CFAP92: variants seen among roughly 807,000 people sequenced by gnomAD.
CFAP92 encodes cilia and flagella associated protein 92 (putative).
CFAP92 carries 86 observed loss-of-function variants against 106.3 expected under a neutral mutation model. The observed-to-expected ratio is 0.81, with a 90% confidence interval of 0.68 to 0.97. The LOEUF (loss-of-function observed/expected upper bound fraction) is 0.97. CFAP92 is among the 50% of genes least tolerant of loss of function. CFAP92 has a pLI of 0.00. For missense variants in CFAP92, 1,204 were observed against 1,283.8 expected, an observed-to-expected ratio of 0.94 and a Z score of 0.95; for synonymous variants, 477 against 506.4, an observed-to-expected ratio of 0.94 and a Z score of 0.78.
rs1940133091 is a variant in CFAP92, at chr3:128,945,568, G to A, written c.1761C>T (p.His587=). The change falls in exon 10 of 16, where the codon CAC becomes CAT. Residue 587 remains histidine (H), a synonymous_variant. Coordinates refer to ENST00000645291, the MANE Select transcript of CFAP92 (RefSeq NM_001394090.1). The part of the protein sequence containing the change: ...HKYLNLAVPI[H]SCEVQPTHCG... ...AGTGTGTGGGCTGAACCTCACAGCT[G>A]TGGATGGGGACGGCCAGATTCAAGT... The A allele has an allele frequency of 1.3e-6, 2 of 1,536,066 alleles. No individual in the cohort carries two copies. Among genetic ancestry groups the A allele is most frequent in the Non-Finnish European group, 8.7e-7 (1 of 1,146,928 alleles).
rs16852190 is a variant in CFAP92, at chr3:128,910,489, G to A, written c.3281-156C>T. Among the ~76,000 whole-genome samples, 21,789 of 152,186 alleles carry A rather than the reference G, an allele frequency of 0.14. 1,628 individuals are homozygous for A. Among genetic ancestry groups the A allele is most frequent in the Middle Eastern group, 0.16 (48 of 294 alleles). ...CCAGGATCTCTGCCTGCACTTTCCAGAGCACCTGCAGATACCAGGATTGTG... is the reference window on the plus strand; with the variant it reads ...CCAGGATCTCTGCCTGCACTTTCCAAAGCACCTGCAGATACCAGGATTGTG... On this transcript the variant is annotated intron_variant, in intron 15 of 15. Transcript: ENST00000645291.
At chr3:128,914,792 G>C in intron 15 of CFAP92, 1 of 279,260 alleles carries the variant, frequency 3.6e-6, no homozygotes, top group Non-Finnish European at 6.9e-6. Context: ...CTAGAGATCA[G>C]TCATGGGTAA....
At chr3:128,951,658 C>T (rs1279104944) in intron 9 of CFAP92, among the ~76,000 whole-genome samples, 1 of 152,074 alleles carries the variant, frequency 6.6e-6, no homozygotes, top group African/African-American at 2.4e-5. Context: ...GAAAGGACCC[C>T]AAGAAAAGTC....
chr3:129,008,792 G>A, the CFAP92 span, among the ~76,000 whole-genome samples: 18 of 152,130 alleles, frequency 1.2e-4, no homozygotes, highest in African/African-American at 3.9e-4. Context: ...GGTACTCCCT[G>A]GCCCAGCCCC....
intron 15 of CFAP92, among the ~76,000 whole-genome samples, chr3:128,913,493 C>CGTACACCAGGTCCCAGT (rs1366503895): frequency 2.6e-5 from 4 of 152,156 alleles, no homozygotes; most frequent in African/African-American, 9.7e-5. Flanking sequence ...CAGGTCCCAG[C>CGTACACCAGGTCCCAGT]GTGCTCACTG....
intron 12 of CFAP92, among the ~76,000 whole-genome samples, chr3:128,926,970 T>TTTC (rs1349002315): frequency 3.4e-4 from 51 of 152,124 alleles, no homozygotes; most frequent in African/African-American, 1.2e-3. Context: ...GGCGCATGCT[T>TTTC]GTAGTCCCAG....
At chr3:128,956,891 A>T (rs1941468729) in intron 9 of CFAP92, among the ~76,000 whole-genome samples, 1 of 150,568 alleles carries the variant, frequency 6.6e-6, no homozygotes. Context: ...GAGGCAGGAG[A>T]ATCACTTGAA....
At chr3:128,927,244 G>A (rs527608715) in intron 12 of CFAP92, among the ~76,000 whole-genome samples, 37 of 152,042 alleles carry the variant, frequency 2.4e-4, no homozygotes, top group African/African-American at 8.2e-4. Context: ...AATTTTGGAC[G>A]TTCCAGCCTC....
intron 1 of CFAP92, chr3:129,002,121 G>T: frequency 6.8e-7 from 1 of 1,475,944 alleles, no homozygotes; most frequent in Non-Finnish European, 8.9e-7. Flanking sequence ...GCCCCGCGGC[G>T]CTCTCAGCGA....
rs557558783 is a variant in CFAP92, at chr3:128,934,671, C to G, written c.2453+454G>C. Among the ~76,000 whole-genome samples the G allele has an allele frequency of 9.2e-5, 14 of 152,236 alleles. No homozygotes were observed. The East Asian group carries it at 2.7e-3, about 29-fold the overall frequency. ...TCAGTCTCCCAAGTAGATGGGATTA[C>G]AGGCGTGCACCACTACACCTGGCTA... On this transcript the variant is annotated intron_variant, in intron 11 of 15. Transcript: ENST00000645291.
At chr3:129,017,467 G>A in the CFAP92 span, among the ~76,000 whole-genome samples, 4 of 152,230 alleles carry the variant, frequency 2.6e-5, no homozygotes, top group Non-Finnish European at 2.9e-5. Context: ...CCGAAAGCAA[G>A]GCACCCTTGG....
rs1473349918 is a variant in CFAP92, at chr3:128,910,058, C to T, written c.*241G>A. On this transcript the variant is annotated 3_prime_UTR_variant, in exon 16 of 16. Transcript: ENST00000645291. ...GAGCAGCTGGTACTGAAGCGGGTGGCCAACATCCTCATCAACCTGTATGGC... is the reference window on the plus strand; with the variant it reads ...GAGCAGCTGGTACTGAAGCGGGTGGTCAACATCCTCATCAACCTGTATGGC... 2.5e-6 allele frequency: 4 copies of T among 1,613,938 alleles called. No homozygotes were observed. In the Admixed American group the frequency reaches 6.7e-5, roughly 27 times the overall value.
At chr3:128,924,804 T>C (rs1937548370) in intron 12 of CFAP92, among the ~76,000 whole-genome samples, 1 of 152,306 alleles carries the variant, frequency 6.6e-6, no homozygotes, top group East Asian at 1.9e-4. Context: ...CAGAACATGT[T>C]CCACATGCTT....
At position 128,987,819 on chromosome 3, in the gene CFAP92, G is replaced by A. The variant is rs765147676; in HGVS notation, c.464C>T (p.Pro155Leu). 1.6e-5 allele frequency: 25 copies of A among 1,607,052 alleles called. No individual in the cohort carries two copies. The highest frequency in any genetic ancestry group is 1.2e-4 in the Admixed American group (7 of 58,816). Residue 155 changes from proline to leucine, a missense_variant, in exon 4 of 16, where the codon CCG (proline) becomes CTG (leucine). By Grantham distance (98) the Pro-to-Leu change is moderately conservative. Coordinates refer to ENST00000645291, the MANE Select transcript of CFAP92 (RefSeq NM_001394090.1). ...CCAGGCTTTGTCACCTTCGTGCCAC[G>A]GCTTCACAGTCTGTGTAAAACAACA... ...FLESGVKTVKPWHEGDKAWVS... is the reference protein window; with the variant it reads ...FLESGVKTVKLWHEGDKAWVS...
chr3:128,994,834 A>G (rs1042251951), upstream of CFAP92, among the ~76,000 whole-genome samples: 3 of 152,178 alleles, frequency 2.0e-5, no homozygotes, highest in African/African-American at 7.2e-5. Context: ...GAAGTGAGCA[A>G]CGCCAAATCT....
chr3:128,939,114 A>G (rs1342070828), intron 10 of CFAP92, among the ~76,000 whole-genome samples: 1 of 152,050 alleles, frequency 6.6e-6, no homozygotes, highest in African/African-American at 2.4e-5. Flanking sequence ...TCCTTTCCCT[A>G]CTGAACTTTT....
intron 10 of CFAP92, among the ~76,000 whole-genome samples, chr3:128,940,911 C>T (rs114566416): frequency 0.018 from 2,783 of 151,816 alleles, 87 homozygotes; most frequent in African/African-American, 0.063. Context: ...TATTAACATG[C>T]GGAAGTTTAA....
At chr3:128,946,388 C>G (rs1011555581) in intron 9 of CFAP92, among the ~76,000 whole-genome samples, 2 of 152,240 alleles carry the variant, frequency 1.3e-5, no homozygotes, top group Non-Finnish European at 1.5e-5. Flanking sequence ...TCGACACAGA[C>G]CCCTTTAGCA....
chr3:128,983,022 GA>G (rs1409329993), intron 4 of CFAP92, among the ~76,000 whole-genome samples: 1 of 152,184 alleles, frequency 6.6e-6, no homozygotes, highest in African/African-American at 2.4e-5. Flanking sequence ...ACACGAGGTT[GA>G]AAAAACGGCG....
Sources: allele counts gnomAD v4.1 joint callset (sites outside exome capture counted in the v4.1 genomes callset), GRCh38; gene constraint gnomAD v4.1.1; transcripts MANE v1.5; gene names NCBI Gene and HGNC (gene_info 2026-07-23, HGNC 2026-07-21).